MAD1L1: variants seen among roughly 807,000 people sequenced by gnomAD.
MAD1L1 encodes mitotic arrest deficient 1 like 1.
Under a neutral mutation model 96.9 loss-of-function variants are expected in MAD1L1, and 95 were observed. The observed-to-expected ratio is 0.98, with a 90% CI of 0.83 to 1.16. MAD1L1 has a LOEUF of 1.16. Ranked by LOEUF, MAD1L1 falls within the 50% of genes most tolerant of loss-of-function variation. The pLI is 0.00. For missense variants in MAD1L1, 1,007 were observed against 954.4 expected, an observed-to-expected ratio of 1.06 and a Z score of -0.73; for synonymous variants, 473 against 396.6, an observed-to-expected ratio of 1.19 and a Z score of -2.29.
intron 18 of MAD1L1, among the ~76,000 whole-genome samples, chr7:1,880,766 G>A (rs1274159238): frequency 1.3e-5 from 2 of 152,230 alleles, no homozygotes; most frequent in East Asian, 3.8e-4. Context: ...TCACTCACAG[G>A]ACCCTGTGGA....
At chr7:2,133,327 T>C (rs1788605449) in intron 11 of MAD1L1, among the ~76,000 whole-genome samples, 1 of 151,718 alleles carries the variant, frequency 6.6e-6, no homozygotes, top group Non-Finnish European at 1.5e-5. Flanking sequence ...CACGTGCTTC[T>C]CCGTCACCCG....
Position 2,232,936 on chromosome 7 carries a change from T to C in MAD1L1, c.-254A>G. On this transcript the variant is annotated 5_prime_UTR_variant, in exon 1 of 19. Coordinates refer to ENST00000265854, the MANE Select transcript of MAD1L1 (RefSeq NM_001013836.2). The stretch of plus-strand genomic sequence containing the variant: ...CTCCCTCCGCTCCGCCGGCGCCCAT[T>C]TATCGCGACACTTGCGCCTGCGCTC... 6.6e-6 allele frequency: 1 copy of C among 152,188 alleles called. No individual in the cohort carries two copies. 9.4% of individuals were successfully genotyped at this position (152,188 alleles called of 1,614,324 possible).
chr7:1,966,559 G>GAAAAAA (rs1780173135), intron 15 of MAD1L1, among the ~76,000 whole-genome samples: 1 of 52,546 alleles, frequency 1.9e-5, no homozygotes, highest in African/African-American at 1.0e-4. Flanking sequence ...CCCAAACTTG[G>GAAAAAA]CAAAAAAAAA....
intron 10 of MAD1L1, among the ~76,000 whole-genome samples, chr7:2,159,998 T>G (rs1212527835): frequency 4.0e-5 from 6 of 151,674 alleles, no homozygotes; most frequent in Non-Finnish European, 8.8e-5. Flanking sequence ...GAGGCAGAGG[T>G]GGGTAGATCA....
intron 15 of MAD1L1, among the ~76,000 whole-genome samples, chr7:1,969,103 GC>G (rs1303961953): frequency 2.6e-5 from 4 of 152,176 alleles, no homozygotes; most frequent in African/African-American, 7.2e-5. Context: ...TCGACTGTTG[GC>G]CAGGTGTGGT....
intron 3 of MAD1L1, among the ~76,000 whole-genome samples, chr7:2,228,917 T>C (rs907167955): frequency 1.3e-5 from 2 of 151,960 alleles, no homozygotes; most frequent in Admixed American, 6.6e-5. Flanking sequence ...GTATTTTTAG[T>C]AGAGACAGGG....
intron 16 of MAD1L1, among the ~76,000 whole-genome samples, chr7:1,944,686 A>C (rs1029882872): frequency 6.6e-6 from 1 of 152,114 alleles, no homozygotes; most frequent in Non-Finnish European, 1.5e-5. Flanking sequence ...CAGCCGGAAG[A>C]GCCTCTAGGG....
chr7:2,218,933 G>A (rs1285562435), intron 6 of MAD1L1, among the ~76,000 whole-genome samples: 1 of 151,942 alleles, frequency 6.6e-6, no homozygotes, highest in Non-Finnish European at 1.5e-5. Context: ...TACTGCACAT[G>A]CTTGCAGACC....
rs556065636 is a variant in MAD1L1, at chr7:1,818,180, G to T, written c.1999-1952C>A. 7.3e-4 allele frequency among the ~76,000 whole-genome samples: 111 copies of T among 152,212 alleles called. 1 individual carries two copies. Among genetic ancestry groups the T allele is most frequent in the Non-Finnish European group, 1.1e-3 (74 of 67,998 alleles). Reference sequence around the variant, plus strand: ...GGGCTGATTCTCCTGCAGCTGCCGGGCAGGGGTGGGGAGGCAGTGTGGGAA... The same window carrying T: ...GGGCTGATTCTCCTGCAGCTGCCGGTCAGGGGTGGGGAGGCAGTGTGGGAA... On this transcript the variant is annotated intron_variant, in intron 18 of 18. Transcript: ENST00000265854.
chr7:2,207,913 T>C (rs1483872317), intron 10 of MAD1L1, among the ~76,000 whole-genome samples: 6 of 152,150 alleles, frequency 3.9e-5, no homozygotes, highest in African/African-American at 1.4e-4. Flanking sequence ...TGGAAGCTGA[T>C]GGAACTCCAG....
chr7:1,854,262 C>A (rs1013713205), intron 18 of MAD1L1: 1 of 389,274 alleles, frequency 2.6e-6, no homozygotes, highest in African/African-American at 2.1e-5. Flanking sequence ...GTACTGAGCC[C>A]GCTGGGGCTG....
intron 11 of MAD1L1, among the ~76,000 whole-genome samples, chr7:2,083,705 C>T (rs2128540568): frequency 6.6e-6 from 1 of 152,394 alleles, no homozygotes; most frequent in African/African-American, 2.4e-5. Flanking sequence ...GCCTCCGCCA[C>T]TGACCTGCAG....
chr7:2,037,190 C>T (rs1056522364), intron 12 of MAD1L1, among the ~76,000 whole-genome samples: 25 of 150,748 alleles, frequency 1.7e-4, no homozygotes, highest in Non-Finnish European at 3.2e-4. Context: ...CCTTCTTTGT[C>T]TTCTTAATAG....
At chr7:1,949,256 T>C (rs2128470435) in intron 16 of MAD1L1, among the ~76,000 whole-genome samples, 1 of 152,092 alleles carries the variant, frequency 6.6e-6, no homozygotes, top group East Asian at 1.9e-4. Flanking sequence ...ACCTACCAAG[T>C]CCATGGAAAG....
chr7:1,833,068 C>T (rs1782786927), intron 18 of MAD1L1, among the ~76,000 whole-genome samples: 1 of 152,190 alleles, frequency 6.6e-6, no homozygotes. Flanking sequence ...TTCGGGTGAT[C>T]ATTAGCATTT....
chr7:1,965,165 G>C (rs1780110025), intron 15 of MAD1L1, among the ~76,000 whole-genome samples: 1 of 152,252 alleles, frequency 6.6e-6, no homozygotes, highest in Non-Finnish European at 1.5e-5. Flanking sequence ...AACCCCACCA[G>C]AGAGGCTGGC....
rs556705355 is a variant in MAD1L1, at chr7:2,084,100, G to A, written c.1074-14762C>T. On this transcript the variant is annotated intron_variant, in intron 11 of 18. Coordinates refer to ENST00000265854, the MANE Select transcript of MAD1L1 (RefSeq NM_001013836.2). ...AACCAGCGGCTTCCTCTGGACACCC[G>A]AAAGGCATTCCAAGGCAGCACTGCT... Among the ~76,000 whole-genome samples the A allele has an allele frequency of 5.3e-5, 8 of 152,368 alleles. No individual in the cohort carries two copies. In the South Asian group the frequency reaches 6.2e-4, roughly 12 times the overall value.
intron 16 of MAD1L1, among the ~76,000 whole-genome samples, chr7:1,956,231 G>T (rs1454475679): frequency 6.6e-6 from 1 of 152,150 alleles, no homozygotes; most frequent in Non-Finnish European, 1.5e-5. Context: ...GGGCCACCCT[G>T]GACGTCCCCC....
intron 12 of MAD1L1, among the ~76,000 whole-genome samples, chr7:2,021,583 G>A (rs940304570): frequency 2.6e-5 from 4 of 151,276 alleles, no homozygotes; most frequent in South Asian, 2.1e-4. Context: ...TGGACAATGC[G>A]GCGAAACCTC....
Sources: allele counts gnomAD v4.1 joint callset (sites outside exome capture counted in the v4.1 genomes callset), GRCh38; gene constraint gnomAD v4.1.1; transcripts MANE v1.5; gene names NCBI Gene and HGNC (gene_info 2026-07-23, HGNC 2026-07-21).